Variants in AEBP2 observed in about 807,000 individuals in gnomAD.
AEBP2 encodes AE binding protein 2.
In AEBP2, 10 loss-of-function variants were observed where a neutral mutation model predicts 50.8. That is an observed-to-expected ratio of 0.20 (90% CI 0.12 to 0.33). The LOEUF (loss-of-function observed/expected upper bound fraction) is 0.33. Among genes scored for constraint, AEBP2 ranks in the 10% least tolerant of loss-of-function variants. AEBP2 has a pLI of 1.00. For missense variants in AEBP2, 570 were observed against 688.0 expected (o/e 0.83, Z 1.92); for synonymous variants, 296 against 261.3 (o/e 1.13, Z -1.28).
chr12:19,452,119 G>A (rs989300373), intron 1 of AEBP2, among the ~76,000 whole-genome samples: 7 of 152,228 alleles, frequency 4.6e-5, no homozygotes, highest in African/African-American at 1.7e-4. Context: ...TCGAACTCCT[G>A]ACCTCAAGTG....
intron 1 of AEBP2, among the ~76,000 whole-genome samples, chr12:19,407,171 A>T (rs2095736749): frequency 6.6e-6 from 1 of 152,018 alleles, no homozygotes; most frequent in Non-Finnish European, 1.5e-5. Context: ...CATGGTGCAC[A>T]CCTGTAGTCC....
At chr12:19,478,263 G>T (rs1311164011) in intron 3 of AEBP2, among the ~76,000 whole-genome samples, 2 of 152,102 alleles carry the variant, frequency 1.3e-5, no homozygotes, top group Non-Finnish European at 2.9e-5. Flanking sequence ...GTTCCTTGAG[G>T]TATGACCTTA....
chr12:19,486,185 C>G (rs1051767561), intron 3 of AEBP2, among the ~76,000 whole-genome samples: 1 of 152,068 alleles, frequency 6.6e-6, no homozygotes, highest in Non-Finnish European at 1.5e-5. Flanking sequence ...TTCTTTCATA[C>G]TTACTTTATG....
In AEBP2 at chr12:19,522,014, G is replaced by A. The variant is rs1949405475; in HGVS notation, c.*3897G>A. Reference sequence around the variant, plus strand: ...GTGTAACAAAGCCTGTTGGGTACAGGTCTACAAGGAGATACTTTGTTTCTA... The same window carrying A: ...GTGTAACAAAGCCTGTTGGGTACAGATCTACAAGGAGATACTTTGTTTCTA... On this transcript the variant is annotated 3_prime_UTR_variant, in exon 8 of 8. Coordinates refer to ENST00000266508, the MANE Select transcript of AEBP2 (RefSeq NM_153207.5). 1 of 151,834 alleles carries A rather than the reference G, an allele frequency of 6.6e-6. No homozygotes were observed. Among genetic ancestry groups the A allele is most frequent in the African/African-American group, 2.4e-5 (1 of 41,378 alleles). 9.4% of individuals were successfully genotyped at this position (151,834 alleles called of 1,614,324 possible).
intron 1 of AEBP2, among the ~76,000 whole-genome samples, chr12:19,445,250 G>A (rs959887046): frequency 6.6e-6 from 1 of 152,108 alleles, no homozygotes; most frequent in African/African-American, 2.4e-5. Flanking sequence ...CCAGGCTGGA[G>A]TGCAGTGGTG....
At chr12:19,475,485 T>C (rs1462999592) in intron 3 of AEBP2, among the ~76,000 whole-genome samples, 1 of 152,094 alleles carries the variant, frequency 6.6e-6, no homozygotes, top group African/African-American at 2.4e-5. Context: ...TATACTGCAT[T>C]TTCTTTATCC....
At chr12:19,511,223 T>G (rs555767085) in intron 5 of AEBP2, among the ~76,000 whole-genome samples, 7 of 152,304 alleles carry the variant, frequency 4.6e-5, no homozygotes, top group Non-Finnish European at 1.0e-4. Context: ...TGTTTTGTTT[T>G]ACTGTTGTGT....
At chr12:19,500,055 AT>A in intron 4 of AEBP2, 41 bp from the exon 5 acceptor site, 4 of 1,526,634 alleles carry the variant, frequency 2.6e-6, no homozygotes, top group Non-Finnish European at 3.6e-6. Context: ...TATTACTGTT[AT>A]GTTTTTCTAA....
chr12:19,491,640 T>C (rs2120436018), intron 3 of AEBP2, among the ~76,000 whole-genome samples: 1 of 152,196 alleles, frequency 6.6e-6, no homozygotes, highest in South Asian at 2.1e-4. Context: ...CTGAGGGCCA[T>C]AAGGAGCCCC....
At chr12:19,489,990 C>CTT (rs71067029) in intron 3 of AEBP2, among the ~76,000 whole-genome samples, 3,552 of 47,656 alleles carry the variant, frequency 0.075, 641 homozygotes, top group Non-Finnish European at 0.088. Context: ...TTAAAATAAA[C>CTT]TTTTTTTTTT....
intron 1 of AEBP2, among the ~76,000 whole-genome samples, chr12:19,405,865 C>T (rs1310415378): frequency 6.6e-6 from 1 of 151,820 alleles, no homozygotes; most frequent in East Asian, 1.9e-4. Flanking sequence ...TACAGTGGGC[C>T]ATCTCAGCTC....
chr12:19,451,752 T>A (rs1457074872), intron 1 of AEBP2, among the ~76,000 whole-genome samples: 1 of 151,794 alleles, frequency 6.6e-6, no homozygotes, highest in Non-Finnish European at 1.5e-5. Flanking sequence ...GTACAGTGGC[T>A]GTTCACAGGC....
chr12:19,428,573 A>C (rs1167042898), intron 1 of AEBP2, among the ~76,000 whole-genome samples: 2 of 152,216 alleles, frequency 1.3e-5, no homozygotes, highest in Non-Finnish European at 2.9e-5. Flanking sequence ...GCACTTTGGG[A>C]GACTGAGGTG....
chr12:19,468,361 TTTACTCAGTA>T (rs1192122608), intron 2 of AEBP2, among the ~76,000 whole-genome samples: 12 of 152,164 alleles, frequency 7.9e-5, no homozygotes, highest in Non-Finnish European at 1.6e-4. Context: ...AACAAGATCA[TTTACTCAGTA>T]TAATTAGGCC....
intron 1 of AEBP2, among the ~76,000 whole-genome samples, chr12:19,441,377 A>G (rs117993705): frequency 0.022 from 3,424 of 152,314 alleles, 48 homozygotes; most frequent in East Asian, 0.043. Context: ...AAAAAACGAG[A>G]ATCACATGCA....
At chr12:19,518,057 A>C in intron 7 of AEBP2, 30 bp from the exon 8 acceptor site, 1 of 1,582,606 alleles carries the variant, frequency 6.3e-7, no homozygotes, top group Non-Finnish European at 8.6e-7. Flanking sequence ...ATTCAGTTGA[A>C]TAAAAGGATT....
chr12:19,465,698 T>G (rs950569336), intron 2 of AEBP2, among the ~76,000 whole-genome samples: 1 of 151,996 alleles, frequency 6.6e-6, no homozygotes, highest in African/African-American at 2.4e-5. Flanking sequence ...TGATAAAATA[T>G]GAATGAGAGT....
chr12:19,451,187 T>C (rs1368057011), intron 1 of AEBP2, among the ~76,000 whole-genome samples: 2 of 152,210 alleles, frequency 1.3e-5, no homozygotes, highest in Admixed American at 1.3e-4. Flanking sequence ...AGCATTTATT[T>C]TACTTATGAA....
At chr12:19,513,027 T>G (rs1393181661) in intron 6 of AEBP2, among the ~76,000 whole-genome samples, 4 of 152,184 alleles carry the variant, frequency 2.6e-5, no homozygotes, top group African/African-American at 9.7e-5. Flanking sequence ...TTTGTTTTTT[T>G]GTTTTGTTTT....
Sources: allele counts gnomAD v4.1 joint callset (sites outside exome capture counted in the v4.1 genomes callset), GRCh38; gene constraint gnomAD v4.1.1; transcripts MANE v1.5; gene names NCBI Gene and HGNC (gene_info 2026-07-23, HGNC 2026-07-21).